Variants in TP63 observed in about 807,000 individuals in gnomAD.
TP63 encodes the protein tumor protein p63.
TP63 carries 17 observed loss-of-function variants against 82.8 expected under a neutral mutation model. That is an observed-to-expected ratio of 0.21 (90% CI 0.14 to 0.31). The LOEUF (loss-of-function observed/expected upper bound fraction) is 0.31. TP63 is among the 10% of genes least tolerant of loss of function. The probability of loss-of-function intolerance (pLI) is 1.00; values close to 1 mark genes in which losing one functional copy is unlikely to be tolerated. For synonymous variants in TP63, 330 were observed against 321.7 expected (o/e 1.03, Z -0.28); for missense variants, 648 against 895.3 (o/e 0.72, Z 3.52).
At position 189,644,858 on chromosome 3, in the gene TP63, T is replaced by A. The variant is rs551373590; in HGVS notation, c.62+13281T>A. 3.3e-5 allele frequency among the ~76,000 whole-genome samples: 5 copies of A among 152,314 alleles called. No homozygotes were observed. The East Asian group carries it at 9.6e-4, about 29-fold the overall frequency. On this transcript the variant is annotated intron_variant, in intron 1 of 13. Coordinates refer to ENST00000264731, the MANE Select transcript of TP63 (RefSeq NM_003722.5). ...CCCAGGTTGCTGCAAATGCCATTAT[T>A]TCTTTCCTTTTTATGGCTGAGTAGT...
chr3:189,824,252 C>T (rs28578142), intron 4 of TP63, among the ~76,000 whole-genome samples: 51,811 of 151,302 alleles, frequency 0.34, 9,080 homozygotes, highest in East Asian at 0.51. Context: ...AGTCTCGCTC[C>T]GTCACCCAGG....
At chr3:189,727,873 C>T (rs2108778952) in intron 1 of TP63, among the ~76,000 whole-genome samples, 1 of 152,238 alleles carries the variant, frequency 6.6e-6, no homozygotes, top group African/African-American at 2.4e-5. Flanking sequence ...TGTTTGCATG[C>T]TATAATGCTA....
In TP63 at chr3:189,794,115, A is replaced by G. The variant is rs150354054; in HGVS notation, c.325-14157A>G. ...TAAACATTTTATAATTTTTACTTATACTTTTTGATTAAGTTCTATGTTGAC... is the reference window on the plus strand; with the variant it reads ...TAAACATTTTATAATTTTTACTTATGCTTTTTGATTAAGTTCTATGTTGAC... On this transcript the variant is annotated intron_variant, in intron 3 of 13. Transcript: ENST00000264731. Among the ~76,000 whole-genome samples, 447 of 152,196 alleles carry G rather than the reference A, an allele frequency of 2.9e-3. 5 individuals carry two copies. The highest frequency in any genetic ancestry group is 0.01 in the African/African-American group (428 of 41,564).
intron 1 of TP63, among the ~76,000 whole-genome samples, chr3:189,636,195 T>C (rs1404678296): frequency 6.6e-6 from 1 of 152,162 alleles, no homozygotes; most frequent in African/African-American, 2.4e-5. Flanking sequence ...AAAAGCACAA[T>C]GCCGCTCTAT....
intron 1 of TP63, among the ~76,000 whole-genome samples, chr3:189,685,857 C>T (rs1383887912): frequency 6.6e-6 from 1 of 151,934 alleles, no homozygotes; most frequent in Non-Finnish European, 1.5e-5. Flanking sequence ...AACTCCGAGA[C>T]AATATGAGCT....
intron 3 of TP63, 170 bp downstream of exon 3, chr3:189,738,944 C>A: frequency 1.1e-6 from 1 of 891,252 alleles, no homozygotes. Context: ...ATTATGCATT[C>A]TGGGTCTGCC....
the TP63 span, among the ~76,000 whole-genome samples, chr3:189,597,591 C>T: frequency 2.6e-5 from 4 of 152,166 alleles, no homozygotes; most frequent in Admixed American, 6.5e-5. Flanking sequence ...GAAACAGATT[C>T]ATAGGTGGTT....
chr3:189,664,720 A>G (rs988587075), intron 1 of TP63, among the ~76,000 whole-genome samples: 1 of 152,150 alleles, frequency 6.6e-6, no homozygotes, highest in Non-Finnish European at 1.5e-5. Context: ...CTATTGCTGA[A>G]TTGTATGCTT....
At chr3:189,598,054 A>C in the TP63 span, among the ~76,000 whole-genome samples, 1 of 152,336 alleles carries the variant, frequency 6.6e-6, no homozygotes, top group African/African-American at 2.4e-5. Context: ...ACTGAAATGA[A>C]CTTATAAATT....
At chr3:189,821,378 C>T (rs1728778223) in intron 4 of TP63, among the ~76,000 whole-genome samples, 1 of 152,142 alleles carries the variant, frequency 6.6e-6, no homozygotes, top group East Asian at 1.9e-4. Context: ...ATTTGAGGGT[C>T]CTGGTGACTG....
intron 4 of TP63, among the ~76,000 whole-genome samples, chr3:189,825,068 T>C (rs372556641): frequency 6.6e-6 from 1 of 152,330 alleles, no homozygotes; most frequent in African/African-American, 2.4e-5. Context: ...GAAGGTAAAA[T>C]GGTGTGTTTG....
intron 3 of TP63, among the ~76,000 whole-genome samples, chr3:189,804,662 T>A (rs1311996521): frequency 6.6e-6 from 1 of 152,212 alleles, no homozygotes; most frequent in African/African-American, 2.4e-5. Context: ...AAAATTAACT[T>A]CTGAAGAATG....
At chr3:189,856,826 A>G (rs1056092319) in intron 4 of TP63, among the ~76,000 whole-genome samples, 7 of 152,104 alleles carry the variant, frequency 4.6e-5, no homozygotes, top group Non-Finnish European at 7.4e-5. Flanking sequence ...AAATAGGTAC[A>G]GTATTTATAC....
At chr3:189,876,762 G>C (rs1719274920) in intron 10 of TP63, among the ~76,000 whole-genome samples, 1 of 151,964 alleles carries the variant, frequency 6.6e-6, no homozygotes, top group African/African-American at 2.4e-5. Context: ...TTATTTTCAT[G>C]CAAATCTCCA....
intron 9 of TP63, among the ~76,000 whole-genome samples, chr3:189,870,227 A>C (rs1044623223): frequency 1.3e-5 from 2 of 152,234 alleles, no homozygotes; most frequent in African/African-American, 4.8e-5. Flanking sequence ...AAAGCCAAGC[A>C]AGGCAGAAGC....
At chr3:189,844,568 C>A (rs892045362) in intron 4 of TP63, among the ~76,000 whole-genome samples, 2 of 152,180 alleles carry the variant, frequency 1.3e-5, no homozygotes, top group Non-Finnish European at 2.9e-5. Flanking sequence ...GGGGGTGAAC[C>A]ACTGCACCCG....
chr3:189,841,829 G>A (rs1714162983), intron 4 of TP63, among the ~76,000 whole-genome samples: 1 of 152,202 alleles, frequency 6.6e-6, no homozygotes, highest in Non-Finnish European at 1.5e-5. Flanking sequence ...GCGTCCAGGT[G>A]TTGAAGGAGG....
At chr3:189,770,614 T>TA (rs1421333680) in intron 3 of TP63, among the ~76,000 whole-genome samples, 1 of 152,176 alleles carries the variant, frequency 6.6e-6, no homozygotes, top group African/African-American at 2.4e-5. Context: ...GCAGCAAAGT[T>TA]AAGCAGCAAC....
chr3:189,626,935 TTTG>T (rs1729332139), upstream of TP63, among the ~76,000 whole-genome samples: 1 of 152,064 alleles, frequency 6.6e-6, no homozygotes, highest in Non-Finnish European at 1.5e-5. Flanking sequence ...TGTTTGTTTG[TTTG>T]TTTGTGTGTT....
Sources: allele counts gnomAD v4.1 joint callset (sites outside exome capture counted in the v4.1 genomes callset), GRCh38; gene constraint gnomAD v4.1.1; transcripts MANE v1.5; gene names NCBI Gene and HGNC (gene_info 2026-07-23, HGNC 2026-07-21).